Variants in RANBP2 observed in about 807,000 individuals in gnomAD.
The protein encoded by RANBP2 is E3 SUMO-protein ligase RanBP2.
Under a neutral mutation model 303.6 loss-of-function variants are expected in RANBP2, and 57 were observed. That is an observed-to-expected ratio of 0.19 (90% CI 0.15 to 0.23). The LOEUF (loss-of-function observed/expected upper bound fraction) is 0.23. RANBP2 is among the 10% of genes least tolerant of loss of function. RANBP2 has a pLI of 1.00. For missense variants in RANBP2, 3,138 were observed against 3,780.8 expected (o/e 0.83, Z 4.46); for synonymous variants, 1,167 against 1,301.5 (o/e 0.90, Z 2.23).
the RANBP2 span, among the ~76,000 whole-genome samples, chr2:109,085,654 G>A: frequency 1.4e-5 from 2 of 145,334 alleles, no homozygotes; most frequent in African/African-American, 5.2e-5. Context: ...AGGCTGGAGT[G>A]TAATGGCACA....
At chr2:108,870,756 A>T in the RANBP2 span, among the ~76,000 whole-genome samples, 6 of 152,242 alleles carry the variant, frequency 3.9e-5, no homozygotes, top group African/African-American at 1.4e-4. Flanking sequence ...GATTCCTCTT[A>T]TATGAGGTGC....
the RANBP2 span, among the ~76,000 whole-genome samples, chr2:109,276,110 G>A: frequency 6.6e-6 from 1 of 152,164 alleles, no homozygotes. Context: ...CGGACCCAGT[G>A]ATGGTAGAAG....
the RANBP2 span, among the ~76,000 whole-genome samples, chr2:109,654,102 G>A: frequency 6.6e-6 from 1 of 152,048 alleles, no homozygotes; most frequent in African/African-American, 2.4e-5. Context: ...AGTGTGGGAG[G>A]GGTTATTTCC....
the RANBP2 span, chr2:109,552,750 C>T: frequency 4.8e-6 from 1 of 209,092 alleles, no homozygotes; most frequent in Non-Finnish European, 9.5e-6. Flanking sequence ...AATGAGGCAC[C>T]TAAAAATTGT....
chr2:109,516,460 T>G, the RANBP2 span, among the ~76,000 whole-genome samples: 1 of 152,216 alleles, frequency 6.6e-6, no homozygotes, highest in Non-Finnish European at 1.5e-5. Context: ...CACTTAGGCC[T>G]GTCCTGATAT....
At chr2:109,305,966 C>T in the RANBP2 span, among the ~76,000 whole-genome samples, 5 of 152,316 alleles carry the variant, frequency 3.3e-5, no homozygotes, top group East Asian at 3.9e-4. Context: ...TCATTCAGCA[C>T]GGTATTTAGT....
the RANBP2 span, among the ~76,000 whole-genome samples, chr2:109,260,105 C>T: frequency 2.0e-5 from 3 of 152,190 alleles, no homozygotes; most frequent in African/African-American, 7.2e-5. Context: ...GAGAGGCTCT[C>T]TGGGATCTTT....
chr2:108,974,049 G>T, the RANBP2 span, among the ~76,000 whole-genome samples: 1 of 151,990 alleles, frequency 6.6e-6, no homozygotes, highest in African/African-American at 2.4e-5. Context: ...CCACATATTG[G>T]TCAGGCGCGG....
the RANBP2 span, among the ~76,000 whole-genome samples, chr2:109,304,061 A>G: frequency 6.6e-6 from 1 of 151,574 alleles, no homozygotes; most frequent in Non-Finnish European, 1.5e-5. Flanking sequence ...AGATCGCGCC[A>G]TTGCACTCCA....
chr2:109,238,603 T>C, the RANBP2 span, among the ~76,000 whole-genome samples: 1 of 152,062 alleles, frequency 6.6e-6, no homozygotes, highest in Non-Finnish European at 1.5e-5. Context: ...AGGAATTCTT[T>C]TTCGCATTAT....
At chr2:109,670,283 C>G in the RANBP2 span, among the ~76,000 whole-genome samples, 1 of 139,938 alleles carries the variant, frequency 7.1e-6, no homozygotes, top group African/African-American at 2.7e-5. Context: ...GTTAGGGATG[C>G]TACTGGGGGC....
At position 108,765,790 on chromosome 2, in the gene RANBP2, A is replaced by T. The variant is rs1249787158; in HGVS notation, c.5251A>T (p.Ser1751Cys). ...ATKCIACQCP[S>C]KQNQTTAIST... ...CAAATGTATTGCTTGTCAGTGTCCA[A>T]GTAAACAAAATCAAACAACTGCAAT... Residue 1751 changes from serine to cysteine, a missense_variant, in exon 20 of 29, where the codon AGT becomes TGT. By Grantham distance (112) the Ser-to-Cys change is moderately radical. Coordinates refer to ENST00000283195, the MANE Select transcript of RANBP2 (RefSeq NM_006267.5). 2 of 1,614,120 alleles carry T rather than the reference A, an allele frequency of 1.2e-6. No homozygotes were observed. The highest frequency in any genetic ancestry group is 2.7e-5 in the African/African-American group (2 of 75,038).
At chr2:109,021,416 G>C in the RANBP2 span, among the ~76,000 whole-genome samples, 545 of 151,984 alleles carry the variant, frequency 3.6e-3, 8 homozygotes, top group African/African-American at 0.012. Flanking sequence ...CCAGCTACTC[G>C]GGAGGCTGAG....
the RANBP2 span, among the ~76,000 whole-genome samples, chr2:109,732,517 C>A: frequency 6.7e-6 from 1 of 149,528 alleles, no homozygotes; most frequent in Non-Finnish European, 1.5e-5. Flanking sequence ...CTTGCTCTGT[C>A]CCCCAGGCTG....
chr2:108,726,726 G>A (rs1384254747), intron 1 of RANBP2, among the ~76,000 whole-genome samples: 2 of 151,414 alleles, frequency 1.3e-5, no homozygotes, highest in Non-Finnish European at 3.0e-5. Context: ...GGGAAGGTCA[G>A]CAGATAAACA....
chr2:109,614,712 A>G, the RANBP2 span: 1 of 1,488,596 alleles, frequency 6.7e-7, no homozygotes, highest in South Asian at 1.3e-5. Context: ...CGACGGCGCC[A>G]AGTACGTGCA....
chr2:109,078,714 G>C, the RANBP2 span, among the ~76,000 whole-genome samples: 1 of 150,582 alleles, frequency 6.6e-6, no homozygotes, highest in East Asian at 1.9e-4. Flanking sequence ...CGGGCGCGTT[G>C]GTGCGCGCCT....
chr2:109,390,259 C>G, the RANBP2 span, among the ~76,000 whole-genome samples: 2 of 152,172 alleles, frequency 1.3e-5, no homozygotes, highest in Non-Finnish European at 2.9e-5. Context: ...CAGTTTATCT[C>G]CTTTTAGGTT....
chr2:109,150,380 C>T, the RANBP2 span, among the ~76,000 whole-genome samples: 1 of 152,064 alleles, frequency 6.6e-6, no homozygotes, highest in Non-Finnish European at 1.5e-5. Context: ...GGATTTTTGT[C>T]TATAACCTGA....
Sources: allele counts gnomAD v4.1 joint callset (sites outside exome capture counted in the v4.1 genomes callset), GRCh38; gene constraint gnomAD v4.1.1; transcripts MANE v1.5; gene names NCBI Gene and HGNC (gene_info 2026-07-23, HGNC 2026-07-21).